FARP2: variants seen among roughly 807,000 people sequenced by gnomAD.
FARP2 encodes the protein FERM, ARHGEF and pleckstrin domain-containing protein 2.
Under a neutral mutation model 130.5 loss-of-function variants are expected in FARP2, and 111 were observed. The observed-to-expected ratio is 0.85, with a 90% CI of 0.73 to 1.00. The LOEUF (loss-of-function observed/expected upper bound fraction) is 1.00. FARP2 is among the 50% of genes least tolerant of loss of function. The probability of loss-of-function intolerance (pLI) is 0.00; values close to 1 mark genes in which losing one functional copy is unlikely to be tolerated. For missense variants in FARP2, 1,385 were observed against 1,346.3 expected, an observed-to-expected ratio of 1.03 and a Z score of -0.45; for synonymous variants, 504 against 516.9, an observed-to-expected ratio of 0.98 and a Z score of 0.34.
intron 18 of FARP2, among the ~76,000 whole-genome samples, chr2:241,469,259 G>A (rs1170545358): frequency 1.3e-5 from 2 of 151,972 alleles, no homozygotes; most frequent in Non-Finnish European, 2.9e-5. Context: ...GCTAATTTTT[G>A]TATTTTTAGT....
At chr2:241,374,844 A>T (rs2150303890) in intron 2 of FARP2, among the ~76,000 whole-genome samples, 1 of 152,358 alleles carries the variant, frequency 6.6e-6, no homozygotes, top group Admixed American at 6.5e-5. Context: ...GAAGCTGGGC[A>T]ACCTTTGAAC....
chr2:241,463,257 G>T, intron 15 of FARP2, 78 bp from the exon 16 acceptor site: 1 of 1,525,826 alleles, frequency 6.6e-7, no homozygotes. Context: ...GTGACCTATG[G>T]CTACAGGCCC....
At chr2:241,474,317 CAAAAAAAAAAAAAAAAA>C (rs56128645) in intron 18 of FARP2, among the ~76,000 whole-genome samples, 518 of 46,710 alleles carry the variant, frequency 0.011, 13 homozygotes, top group African/African-American at 0.043. Context: ...GATTCCGTCT[CAAAAAAAAAAAAAAAAA>C]AAAAAAAAAA....
rs562424959 is a variant in FARP2, at chr2:241,467,609, G to A, written c.1894-531G>A. Among the ~76,000 whole-genome samples the A allele has an allele frequency of 1.5e-4, 22 of 149,996 alleles. 1 individual carries two copies. The highest frequency in any genetic ancestry group is 1.3e-3 in the Admixed American group (20 of 14,928). ...GTGAGCTAAGATCCCACCACTGTAC[G>A]CCAGCCTGGGCGACAGAGCTAGATC... is the stretch of plus-strand genomic sequence containing the variant. On this transcript the variant is annotated intron_variant, in intron 17 of 26. Transcript: ENST00000264042.
chr2:241,384,298 T>C (rs185880993), intron 2 of FARP2, among the ~76,000 whole-genome samples: 22 of 152,304 alleles, frequency 1.4e-4, no homozygotes, highest in Non-Finnish European at 2.9e-4. Flanking sequence ...GAATGATGCT[T>C]TACATGTACA....
rs763358897 is a variant in FARP2, at chr2:241,491,558, A to C, written c.2666A>C (p.Asp889Ala). The change falls in exon 24 of 27, where the codon GAT becomes GCT. Residue 889 changes from aspartate to alanine, a missense_variant. Asp to Ala is a moderately radical substitution (Grantham distance 126). Coordinates refer to ENST00000264042, the MANE Select transcript of FARP2 (RefSeq NM_014808.4). ...EVSLEQESEDDARGVRSSLEG... is the reference protein window; with the variant it reads ...EVSLEQESEDAARGVRSSLEG... ...TCTCTGGAGCAGGAGTCAGAAGATG[A>C]TGCTCGGGGTGTCCGCAGCTCCCTG... 9 of 1,613,656 alleles carry C rather than the reference A, an allele frequency of 5.6e-6. No individual in the cohort carries two copies. In the Admixed American group the frequency reaches 1.3e-4, roughly 24 times the overall value.
chr2:241,356,328 T>C lies in FARP2; in HGVS notation c.-85T>C, dbSNP rs1271033582. ...CCGACGCGAGTCTGGCGGCTGCTGCTTGCGACTGCGGAGGCCGGGCGAGGC... is the reference window on the plus strand; with the variant it reads ...CCGACGCGAGTCTGGCGGCTGCTGCCTGCGACTGCGGAGGCCGGGCGAGGC... On this transcript the variant is annotated 5_prime_UTR_variant, in exon 1 of 27. Coordinates refer to ENST00000264042, the MANE Select transcript of FARP2 (RefSeq NM_014808.4). The C allele has an allele frequency of 2.0e-5, 3 of 152,300 alleles. No individual in the cohort carries two copies. The allele number at this position is 152,300 out of a possible 1,614,324, so 9.4% of individuals were successfully genotyped here. A position where few individuals can be genotyped will look rare whatever the true frequency, so the allele number is the denominator to read the frequency against.
At chr2:241,381,876 C>T (rs1035008543) in intron 2 of FARP2, among the ~76,000 whole-genome samples, 1 of 152,206 alleles carries the variant, frequency 6.6e-6, no homozygotes, top group Admixed American at 6.5e-5. Flanking sequence ...TGAAGCCCCC[C>T]AAGTCCTTTC....
chr2:241,493,501 C>T, intron 26 of FARP2, 57 bp downstream of exon 26: 1 of 1,549,788 alleles, frequency 6.5e-7, no homozygotes, highest in Non-Finnish European at 8.9e-7. Context: ...CGCTCAGCTC[C>T]CATTTCTACT....
intron 1 of FARP2, among the ~76,000 whole-genome samples, chr2:241,368,307 T>A (rs962118750): frequency 1.3e-5 from 2 of 152,028 alleles, no homozygotes; most frequent in African/African-American, 4.8e-5. Flanking sequence ...GATTCTTGGT[T>A]GTTTACTTTG....
rs116461863 is a variant in FARP2 at position 241,449,014 on chromosome 2, C to T, written c.1411+7458C>T. ...TGCCATTAACCATTTTTCTATCTCC[C>T]GCTTGTATTCTTTGAGCCAGATTTT... On this transcript the variant is annotated intron_variant, in intron 13 of 26. Coordinates refer to ENST00000264042, the MANE Select transcript of FARP2 (RefSeq NM_014808.4). Among the ~76,000 whole-genome samples the T allele has an allele frequency of 3.0e-3, 458 of 152,314 alleles. 1 individual carries two copies. The highest frequency in any genetic ancestry group is 5.4e-3 in the Non-Finnish European group (368 of 68,042).
At chr2:241,396,472 TCAAA>T (rs1357665260) in intron 2 of FARP2, among the ~76,000 whole-genome samples, 16 of 152,002 alleles carry the variant, frequency 1.1e-4, no homozygotes, top group Non-Finnish European at 2.2e-4. Context: ...TACAATGAAC[TCAAA>T]CAAATTTACA....
chr2:241,405,077 C>G (rs1049898747), intron 4 of FARP2, among the ~76,000 whole-genome samples: 2 of 152,130 alleles, frequency 1.3e-5, no homozygotes, highest in Non-Finnish European at 2.9e-5. Flanking sequence ...TGTTTGATAT[C>G]GTCTTAATTT....
intron 8 of FARP2, among the ~76,000 whole-genome samples, chr2:241,428,183 A>G (rs1025966514): frequency 2.6e-5 from 4 of 151,154 alleles, no homozygotes; most frequent in African/African-American, 9.7e-5. Flanking sequence ...TTGAGAATAC[A>G]ATTTAGGACA....
rs137942246 is a variant in FARP2 at position 241,399,688 on chromosome 2, A to G, written c.184-4140A>G. On this transcript the variant is annotated intron_variant, in intron 2 of 26. Transcript: ENST00000264042. ...TCCTATCTTAACAGTGTCTTTTGATATACAGAAGGTTGTAATATTCAGGTA... is the reference window on the plus strand; with the variant it reads ...TCCTATCTTAACAGTGTCTTTTGATGTACAGAAGGTTGTAATATTCAGGTA... Among the ~76,000 whole-genome samples the G allele has an allele frequency of 9.0e-3, 1,369 of 152,294 alleles. 15 individuals carry two copies. Among genetic ancestry groups the G allele is most frequent in the South Asian group, 0.014 (68 of 4,830 alleles).
chr2:241,486,485 AAACAC>A (rs2064755872), intron 21 of FARP2, among the ~76,000 whole-genome samples: 1 of 131,956 alleles, frequency 7.6e-6, no homozygotes, highest in Non-Finnish European at 1.6e-5. Flanking sequence ...AAAAAAAAAA[AAACAC>A]AGAGAAAAGA....
At chr2:241,462,664 T>C (rs2150473226) in intron 15 of FARP2, 52 bp downstream of exon 15, 3 of 1,160,980 alleles carry the variant, frequency 2.6e-6, no homozygotes, top group Middle Eastern at 2.0e-4. Flanking sequence ...ATCTCTCATC[T>C]GAACACAGAG....
rs2063189212 is a variant in FARP2 at position 241,435,042 on chromosome 2, C to G, written c.1100+12C>G. Reference sequence around the variant, plus strand: ...ATTCCATATGAAAGGTAAGCTCTGGCCTTTATGATGTAAAGTGTGTGCTTT... The same window carrying G: ...ATTCCATATGAAAGGTAAGCTCTGGGCTTTATGATGTAAAGTGTGTGCTTT... On this transcript the variant is annotated intron_variant, in intron 11 of 26. Transcript: ENST00000264042. 1 of 1,501,682 alleles carries G rather than the reference C, an allele frequency of 6.7e-7. No homozygotes were observed. Among genetic ancestry groups the G allele is most frequent in the African/African-American group, 1.4e-5 (1 of 71,428 alleles). 93.0% of individuals were successfully genotyped at this position (1,501,682 alleles called of 1,614,324 possible).
At chr2:241,363,234 G>A (rs1325395460) in intron 1 of FARP2, among the ~76,000 whole-genome samples, 1 of 152,228 alleles carries the variant, frequency 6.6e-6, no homozygotes, top group East Asian at 1.9e-4. Flanking sequence ...CAGAAAGTGG[G>A]AGAAAGCCAT....
Sources: allele counts gnomAD v4.1 joint callset (sites outside exome capture counted in the v4.1 genomes callset), GRCh38; gene constraint gnomAD v4.1.1; transcripts MANE v1.5; gene names NCBI Gene and HGNC (gene_info 2026-07-23, HGNC 2026-07-21).